The following TATDN1 variants were observed in gnomAD, a reference collection of about 807,000 sequenced individuals.
The protein encoded by TATDN1 is deoxyribonuclease TATDN1.
In TATDN1, 40 loss-of-function variants were observed where a neutral mutation model predicts 46.4. The ratio of observed to expected loss-of-function variants is 0.86; its 90% CI spans 0.67 to 1.12. The LOEUF is 1.12. Ranked by LOEUF, TATDN1 falls within the 50% of genes most tolerant of loss-of-function variation. The pLI is 0.00. For missense variants in TATDN1, 326 were observed against 348.4 expected (o/e 0.94, Z 0.51); for synonymous variants, 95 against 105.6 (o/e 0.90, Z 0.62).
chr8:124,512,060 G>C (rs146387034), intron 6 of TATDN1, among the ~76,000 whole-genome samples: 1 of 152,200 alleles, frequency 6.6e-6, no homozygotes, highest in Non-Finnish European at 1.5e-5. Flanking sequence ...TAATTTTTCT[G>C]TCTTGCCCCC....
At chr8:124,530,565 C>T (rs1270821643) in intron 1 of TATDN1, among the ~76,000 whole-genome samples, 1 of 152,164 alleles carries the variant, frequency 6.6e-6, no homozygotes, top group African/African-American at 2.4e-5. Flanking sequence ...AAATCCCATA[C>T]AAATCCAAGG....
chr8:124,495,078 T>C (rs1817351768), intron 10 of TATDN1: 2 of 185,028 alleles, frequency 1.1e-5, no homozygotes, highest in Admixed American at 6.2e-5. Flanking sequence ...CCAATATAAA[T>C]TGTTGCACTG....
chr8:124,512,733 G>A (rs1218641827), intron 6 of TATDN1, among the ~76,000 whole-genome samples: 2 of 152,108 alleles, frequency 1.3e-5, no homozygotes, highest in Non-Finnish European at 2.9e-5. Context: ...TGTCTGTTGC[G>A]GGGAGGAAGG....
chr8:124,531,375 G>A (rs1046878904), intron 1 of TATDN1, among the ~76,000 whole-genome samples: 2 of 152,156 alleles, frequency 1.3e-5, no homozygotes, highest in South Asian at 2.1e-4. Context: ...TCGCCAGCTC[G>A]CTTTCAATGA....
intron 9 of TATDN1, among the ~76,000 whole-genome samples, chr8:124,497,475 G>T (rs922277730): frequency 4.0e-5 from 6 of 151,794 alleles, no homozygotes; most frequent in African/African-American, 1.5e-4. Context: ...TAGTAGAGAG[G>T]GGGGTTTCAC....
intron 11 of TATDN1, chr8:124,489,256 ATGTG>A (rs1816702794): frequency 6.6e-6 from 1 of 152,434 alleles, no homozygotes; most frequent in Admixed American, 6.5e-5. Flanking sequence ...ACTTGGAAAA[ATGTG>A]TGGTTATTGA....
intron 6 of TATDN1, among the ~76,000 whole-genome samples, chr8:124,512,823 C>A (rs963539017): frequency 2.0e-5 from 3 of 152,098 alleles, no homozygotes; most frequent in African/African-American, 7.2e-5. Flanking sequence ...AGATTGCATG[C>A]TGTGAGTATA....
chr8:124,522,803 C>T, intron 2 of TATDN1, 134 bp downstream of exon 2: 1 of 756,824 alleles, frequency 1.3e-6, no homozygotes, highest in Non-Finnish European at 2.3e-6. Context: ...AATCCTCCTG[C>T]CTCAGACTCC....
intron 9 of TATDN1, among the ~76,000 whole-genome samples, chr8:124,499,546 C>T (rs1817759127): frequency 6.6e-6 from 1 of 151,786 alleles, no homozygotes; most frequent in Non-Finnish European, 1.5e-5. Context: ...ATACATCTTC[C>T]CATTTTCTTT....
intron 8 of TATDN1, among the ~76,000 whole-genome samples, chr8:124,507,918 C>T (rs1273681840): frequency 6.6e-6 from 1 of 152,112 alleles, no homozygotes; most frequent in Non-Finnish European, 1.5e-5. Context: ...TGTGTTTATG[C>T]CACACCTGGT....
At chr8:124,525,029 C>T (rs1012388062) in intron 1 of TATDN1, among the ~76,000 whole-genome samples, 1 of 152,174 alleles carries the variant, frequency 6.6e-6, no homozygotes, top group African/African-American at 2.4e-5. Context: ...AAGACTCCTT[C>T]AAAAGTCCCT....
intron 9 of TATDN1, among the ~76,000 whole-genome samples, chr8:124,496,842 T>C (rs939728418): frequency 6.6e-6 from 1 of 152,176 alleles, no homozygotes; most frequent in African/African-American, 2.4e-5. Context: ...CCCAGCCCCA[T>C]CAATCAACAC....
chr8:124,509,202 A>C (rs1401023612), intron 6 of TATDN1, among the ~76,000 whole-genome samples: 1 of 152,264 alleles, frequency 6.6e-6, no homozygotes, highest in Non-Finnish European at 1.5e-5. Context: ...TGAATATCTT[A>C]AAGAGTACTT....
At position 124,508,473 on chromosome 8, in the gene TATDN1, C is replaced by T. The variant is rs901547189; in HGVS notation, c.516+1G>A. ...ATTAAAAATGACTATTTTATACTTA[C>T]CACTCCCCCTACACACCGATCTCTA... On this transcript the variant is annotated splice_donor_variant, in intron 8 of 11. Coordinates refer to ENST00000276692, the MANE Select transcript of TATDN1 (RefSeq NM_032026.4). LOFTEE classifies it high-confidence loss of function. 3.1e-6 allele frequency: 5 copies of T among 1,612,142 alleles called. No individual in the cohort carries two copies. The African/African-American group carries it at 4.0e-5, about 13-fold the overall frequency.
intron 11 of TATDN1, among the ~76,000 whole-genome samples, chr8:124,491,960 G>A (rs534629171): frequency 1.3e-5 from 2 of 150,836 alleles, no homozygotes; most frequent in South Asian, 4.2e-4. Flanking sequence ...AAGTATTGAT[G>A]AAGCCTTCAC....
At chr8:124,515,821 A>C (rs1239206332) in intron 5 of TATDN1, 33 bp from the exon 6 acceptor site, 5 of 1,613,532 alleles carry the variant, frequency 3.1e-6, no homozygotes, top group Non-Finnish European at 4.2e-6. Flanking sequence ...AATTACTCCT[A>C]ACTTATACAG....
chr8:124,511,451 CT>C (rs1819004162), intron 6 of TATDN1, among the ~76,000 whole-genome samples: 1 of 152,094 alleles, frequency 6.6e-6, no homozygotes, highest in Non-Finnish European at 1.5e-5. Flanking sequence ...TTTTTAAGAC[CT>C]GCACAGTGTT....
intron 1 of TATDN1, chr8:124,523,363 A>T: frequency 4.7e-6 from 1 of 214,458 alleles, no homozygotes; most frequent in Non-Finnish European, 9.3e-6. Flanking sequence ...TGAATCTTAA[A>T]GGATGAGTGA....
chr8:124,538,757 ATACAT>A (rs1821727055), intron 1 of TATDN1, among the ~76,000 whole-genome samples: 1 of 152,236 alleles, frequency 6.6e-6, no homozygotes, highest in Non-Finnish European at 1.5e-5. Flanking sequence ...AAAAAACTGA[ATACAT>A]TACAGATGTT....
Sources: allele counts gnomAD v4.1 joint callset (sites outside exome capture counted in the v4.1 genomes callset), GRCh38; gene constraint gnomAD v4.1.1; transcripts MANE v1.5; gene names NCBI Gene and HGNC (gene_info 2026-07-23, HGNC 2026-07-21).